The following GAREM1 variants were observed in gnomAD, a reference collection of about 807,000 sequenced individuals.
The protein encoded by GAREM1 is GRB2-associated and regulator of MAPK protein 1.
A neutral mutation model predicts 71.3 loss-of-function variants in GAREM1; 26 were observed. The observed-to-expected ratio is 0.36, with a 90% CI of 0.27 to 0.51. The LOEUF (loss-of-function observed/expected upper bound fraction) is 0.51, where lower values mean the gene tolerates loss of function less well. Among genes scored for constraint, GAREM1 ranks in the 20% least tolerant of loss-of-function variants. The probability of loss-of-function intolerance (pLI) is 0.95; values close to 1 mark genes in which losing one functional copy is unlikely to be tolerated. For synonymous variants in GAREM1, 440 were observed against 433.2 expected, an observed-to-expected ratio of 1.02 and a Z score of -0.20; for missense variants, 1,026 against 1,103.1, an observed-to-expected ratio of 0.93 and a Z score of 0.99.
chr18:32,322,259 GGGTAGA>G (rs1159331922), intron 2 of GAREM1, among the ~76,000 whole-genome samples: 1 of 152,176 alleles, frequency 6.6e-6, no homozygotes, highest in African/African-American at 2.4e-5. Context: ...GGGTGGAGCA[GGGTAGA>G]GGTGGTACAG....
intron 1 of GAREM1, among the ~76,000 whole-genome samples, chr18:32,438,966 T>C (rs989853302): frequency 6.6e-6 from 1 of 152,188 alleles, no homozygotes; most frequent in Non-Finnish European, 1.5e-5. Context: ...TGAGTAACAG[T>C]GGCTCATTTC....
At chr18:32,304,892 G>A (rs937694820) in intron 3 of GAREM1, among the ~76,000 whole-genome samples, 3 of 152,076 alleles carry the variant, frequency 2.0e-5, no homozygotes, top group African/African-American at 7.2e-5. Flanking sequence ...AATTGTTAGT[G>A]CAGCTGTTTT....
intron 1 of GAREM1, among the ~76,000 whole-genome samples, chr18:32,401,402 G>A (rs1453392550): frequency 6.6e-6 from 1 of 151,680 alleles, no homozygotes; most frequent in Admixed American, 6.6e-5. Flanking sequence ...CTTAATAACT[G>A]CTAAGTTTTT....
chr18:32,421,617 CA>C (rs1044602763), intron 1 of GAREM1, among the ~76,000 whole-genome samples: 4 of 151,822 alleles, frequency 2.6e-5, no homozygotes, highest in African/African-American at 7.3e-5. Context: ...AAGGCAGAAT[CA>C]AAAAAAGGTG....
In GAREM1 at chr18:32,287,080, G is replaced by T. The variant is rs1223295249; in HGVS notation, c.1517C>A (p.Ser506Tyr). 6.2e-7 allele frequency: 1 copy of T among 1,614,184 alleles called. No individual in the cohort carries two copies. Among genetic ancestry groups the T allele is most frequent in the East Asian group, 2.2e-5 (1 of 44,874 alleles). ...AGGTGGAGGTAGGGCAGTATCTGAA[G>T]ACTTCACTGCTGCTCCCAGAGTCCC... ...IPGTLGAAVK[S>Y]SDTALPPPPV... The change falls in exon 4 of 6, where the codon TCT (serine) becomes TAT (tyrosine). Residue 506 changes from serine (S) to tyrosine (Y), a missense_variant. Physicochemically the swap from Ser to Tyr is moderately radical, Grantham distance 144. Transcript: ENST00000269209. The surrounding 1 kb of genome is among the most constrained non-coding windows in gnomAD (Gnocchi z 5.9).
At chr18:32,461,003 C>T (rs2048950115) in intron 1 of GAREM1, among the ~76,000 whole-genome samples, 1 of 152,124 alleles carries the variant, frequency 6.6e-6, no homozygotes, top group Non-Finnish European at 1.5e-5. Flanking sequence ...TAACTAATGA[C>T]CCTAAGAATC....
At chr18:32,375,557 C>T (rs2048023482) in intron 2 of GAREM1, among the ~76,000 whole-genome samples, 1 of 152,134 alleles carries the variant, frequency 6.6e-6, no homozygotes, top group Non-Finnish European at 1.5e-5. Flanking sequence ...CAAAAACTGC[C>T]AACTGGAGTG....
intron 1 of GAREM1, among the ~76,000 whole-genome samples, chr18:32,427,337 T>C (rs550966481): frequency 1.3e-3 from 203 of 152,178 alleles, no homozygotes; most frequent in Non-Finnish European, 2.2e-3. Flanking sequence ...AAATTATTCT[T>C]CCCAAATTTA....
intron 1 of GAREM1, among the ~76,000 whole-genome samples, chr18:32,452,926 G>A (rs189656217): frequency 8.6e-5 from 13 of 150,510 alleles, no homozygotes; most frequent in Admixed American, 2.6e-4. Flanking sequence ...ATGTATGTGT[G>A]TGTGTTTACA....
At chr18:32,312,580 A>T (rs1258517676) in intron 2 of GAREM1, among the ~76,000 whole-genome samples, 1 of 152,198 alleles carries the variant, frequency 6.6e-6, no homozygotes, top group African/African-American at 2.4e-5. Context: ...TGGGCACCAG[A>T]TATTTTGGGA....
intron 1 of GAREM1, among the ~76,000 whole-genome samples, chr18:32,464,793 T>C (rs2048983833): frequency 6.6e-6 from 1 of 151,644 alleles, no homozygotes; most frequent in Non-Finnish European, 1.5e-5. Flanking sequence ...ATCTCACACA[T>C]GTATTTGACA....
At chr18:32,293,864 C>A (rs1163868111) in intron 3 of GAREM1, among the ~76,000 whole-genome samples, 1 of 152,122 alleles carries the variant, frequency 6.6e-6, no homozygotes, top group Non-Finnish European at 1.5e-5. Flanking sequence ...CGCTTATGTA[C>A]CATTCTAGCC....
At chr18:32,311,498 T>C (rs909252243) in intron 2 of GAREM1, among the ~76,000 whole-genome samples, 1 of 152,104 alleles carries the variant, frequency 6.6e-6, no homozygotes, top group African/African-American at 2.4e-5. Context: ...GAGTATACCA[T>C]GGTAGAAGGT....
At chr18:32,275,720 C>T (rs1385577287) in intron 4 of GAREM1, among the ~76,000 whole-genome samples, 1 of 152,138 alleles carries the variant, frequency 6.6e-6, no homozygotes, top group Non-Finnish European at 1.5e-5. Context: ...CTCTTGTTGC[C>T]CAGGCTGGAG....
intron 2 of GAREM1, among the ~76,000 whole-genome samples, chr18:32,388,936 TA>T (rs1025783323): frequency 5.5e-4 from 84 of 152,290 alleles, no homozygotes; most frequent in African/African-American, 1.9e-3. Context: ...TGTGGTTATA[TA>T]AGAGGATATC....
chr18:32,331,858 C>T (rs767931588), intron 2 of GAREM1, among the ~76,000 whole-genome samples: 9 of 151,500 alleles, frequency 5.9e-5, no homozygotes, highest in Non-Finnish European at 1.0e-4. Flanking sequence ...AGAAACACTG[C>T]GAGTGGTGAC....
chr18:32,352,278 A>C (rs1056773470), intron 2 of GAREM1, among the ~76,000 whole-genome samples: 6 of 152,242 alleles, frequency 3.9e-5, no homozygotes, highest in Non-Finnish European at 7.3e-5. Context: ...CTGGATTTAA[A>C]ACACAGTACT....
At chr18:32,375,689 A>G (rs2048024477) in intron 2 of GAREM1, among the ~76,000 whole-genome samples, 1 of 152,224 alleles carries the variant, frequency 6.6e-6, no homozygotes, top group African/African-American at 2.4e-5. Flanking sequence ...GTTAAGAAGC[A>G]GTGATTTGGA....
At chr18:32,428,378 G>A (rs2048594093) in intron 1 of GAREM1, among the ~76,000 whole-genome samples, 2 of 152,128 alleles carry the variant, frequency 1.3e-5, no homozygotes, top group South Asian at 4.2e-4. Context: ...TTGGAGGTGG[G>A]GCCTGGTGGG....
Sources: gnomAD v4.1 joint callset for allele counts (sites outside exome capture counted in the v4.1 genomes callset) on GRCh38, gnomAD v4.1.1 for gene constraint, Gnocchi (gnomAD v3.1) non-coding constraint, MANE v1.5 for transcripts, NCBI Gene and HGNC (gene_info 2026-07-23, HGNC 2026-07-21) for gene names.